C3orf49: variants seen among roughly 807,000 people sequenced by gnomAD.
The protein encoded by C3orf49 is putative uncharacterized protein C3orf49.
A neutral mutation model predicts 13.3 loss-of-function variants in C3orf49; 27 were observed. The ratio of observed to expected loss-of-function variants is 2.02; its 90% CI spans 1.49 to 2.79. The LOEUF (loss-of-function observed/expected upper bound fraction) is 2.79, where lower values mean the gene tolerates loss of function less well. Among genes scored for constraint, C3orf49 ranks in the 30% most tolerant of loss-of-function variants. The pLI, the probability that C3orf49 is intolerant of heterozygous loss-of-function variation, is 0.00. For synonymous variants in C3orf49, 87 were observed against 47.6 expected (o/e 1.83, Z -3.40); for missense variants, 242 against 134.2 (o/e 1.80, Z -3.97).
At chr3:63,825,058 G>T (rs1027693228) in intron 2 of C3orf49, among the ~76,000 whole-genome samples, 1 of 151,958 alleles carries the variant, frequency 6.6e-6, no homozygotes, top group Non-Finnish European at 1.5e-5. Context: ...TTACATTAGG[G>T]TTCCCCCTTT....
rs1459822327 is a variant in C3orf49 at position 63,843,661 on chromosome 3, G to C, written c.850-1362G>C. On this transcript the variant is annotated intron_variant, in intron 5 of 6. Transcript: ENST00000295896. ...CACGCCTGTAATCCCAGCACTTTGG[G>C]AGGCCAAGGTGGGCGCATCACGAGG... is the stretch of plus-strand genomic sequence containing the variant. Among the ~76,000 whole-genome samples, 4 of 152,228 alleles carry C rather than the reference G, an allele frequency of 2.6e-5. No homozygotes were observed. In the East Asian group the frequency reaches 7.8e-4, roughly 30 times the overall value.
intron 2 of C3orf49, 101 bp from the exon 3 acceptor site, chr3:63,827,500 G>A: frequency 3.5e-6 from 2 of 573,850 alleles, no homozygotes; most frequent in South Asian, 2.4e-5. Context: ...AGCCACTGAA[G>A]CAGCAAGTGA....
chr3:63,807,637 C>T, the C3orf49 span, among the ~76,000 whole-genome samples: 2 of 151,884 alleles, frequency 1.3e-5, no homozygotes, highest in African/African-American at 4.8e-5. Flanking sequence ...CAGTGGATCA[C>T]CTGAGGTCTG....
intron 2 of C3orf49, among the ~76,000 whole-genome samples, chr3:63,824,510 A>G (rs1204651800): frequency 6.6e-6 from 1 of 152,138 alleles, no homozygotes. Flanking sequence ...AATACTACCA[A>G]TGTTTGCATT....
chr3:63,829,350 G>C (rs920022108), intron 3 of C3orf49, among the ~76,000 whole-genome samples: 3 of 152,020 alleles, frequency 2.0e-5, no homozygotes, highest in African/African-American at 7.3e-5. Flanking sequence ...AATGTTGCTA[G>C]AACAATTGGG....
the C3orf49 span, among the ~76,000 whole-genome samples, chr3:63,795,281 C>T: frequency 0.037 from 5,660 of 152,178 alleles, 249 homozygotes; most frequent in African/African-American, 0.1. Context: ...CAGGAAGTGG[C>T]CAATGGGAAA....
chr3:63,789,591 A>C, the C3orf49 span, among the ~76,000 whole-genome samples: 3 of 151,880 alleles, frequency 2.0e-5, no homozygotes, highest in African/African-American at 7.3e-5. Flanking sequence ...AGGGTGGATC[A>C]CCTGAGGTCA....
chr3:63,786,503 T>A, the C3orf49 span, among the ~76,000 whole-genome samples: 1 of 152,206 alleles, frequency 6.6e-6, no homozygotes, highest in African/African-American at 2.4e-5. Context: ...TTTGTTTGTT[T>A]GCTTGTTGAT....
In C3orf49 at chr3:63,827,609, C is replaced by A. The variant is rs771721705; in HGVS notation, c.454C>A (p.Gln152Lys). Residue 152 changes from glutamine (Q) to lysine (K), a missense_variant, in exon 3 of 7, where the codon CAA (glutamine) becomes AAA (lysine). Transcript: ENST00000295896. ...MRKLSENATI[Q>K]LDVVEAETEE... Reference sequence around the variant, plus strand: ...TTCCCCCTTTCTTGAAGCGACTATACAACTTGATGTTGTAGAGGCAGAGAC... The same window carrying A: ...TTCCCCCTTTCTTGAAGCGACTATAAAACTTGATGTTGTAGAGGCAGAGAC... The A allele has an allele frequency of 7.1e-6, 5 of 702,774 alleles. No homozygotes were observed. In the South Asian group the frequency reaches 7.4e-5, roughly 10 times the overall value. 43.5% of individuals were successfully genotyped at this position (702,774 alleles called of 1,614,324 possible).
intron 5 of C3orf49, chr3:63,832,730 T>C (rs1195678655): frequency 6.6e-6 from 1 of 152,186 alleles, no homozygotes; most frequent in Non-Finnish European, 1.5e-5. Context: ...TGTTTCATAA[T>C]TCTTACTAAT....
chr3:63,829,289 C>T (rs911410621), intron 3 of C3orf49, among the ~76,000 whole-genome samples: 2 of 152,124 alleles, frequency 1.3e-5, no homozygotes, highest in African/African-American at 4.8e-5. Flanking sequence ...AGGAGATAGA[C>T]ATTAAACCAT....
the C3orf49 span, among the ~76,000 whole-genome samples, chr3:63,793,008 T>C: frequency 6.6e-6 from 1 of 152,206 alleles, no homozygotes; most frequent in Non-Finnish European, 1.5e-5. Context: ...GCGAATAGAC[T>C]TAAATTATGG....
the C3orf49 span, among the ~76,000 whole-genome samples, chr3:63,791,904 C>T: frequency 6.6e-6 from 1 of 152,132 alleles, no homozygotes; most frequent in Non-Finnish European, 1.5e-5. Context: ...TTGACTTAAA[C>T]ATGCTAACTG....
chr3:63,814,890 T>A (rs1264600537), upstream of C3orf49, among the ~76,000 whole-genome samples: 1 of 152,192 alleles, frequency 6.6e-6, no homozygotes, highest in Non-Finnish European at 1.5e-5. Flanking sequence ...AAAAAAGGTT[T>A]AATTGACTCA....
chr3:63,803,525 C>T, the C3orf49 span, among the ~76,000 whole-genome samples: 2 of 152,224 alleles, frequency 1.3e-5, no homozygotes, highest in Non-Finnish European at 2.9e-5. Flanking sequence ...ATCAGCTAAA[C>T]AACATGCTGC....
chr3:63,807,230 C>T, the C3orf49 span, among the ~76,000 whole-genome samples: 2 of 152,074 alleles, frequency 1.3e-5, no homozygotes, highest in African/African-American at 4.8e-5. Context: ...GGATTACAGG[C>T]GTGAGCCACT....
intron 3 of C3orf49, among the ~76,000 whole-genome samples, chr3:63,828,432 T>C (rs1401617107): frequency 6.6e-6 from 1 of 152,182 alleles, no homozygotes; most frequent in Non-Finnish European, 1.5e-5. Flanking sequence ...CCCATCTAGC[T>C]GGGACTACAG....
the C3orf49 span, among the ~76,000 whole-genome samples, chr3:63,791,231 C>A: frequency 6.6e-6 from 1 of 152,182 alleles, no homozygotes; most frequent in Non-Finnish European, 1.5e-5. Flanking sequence ...CCACTGCAGT[C>A]TCTAAAACTT....
At chr3:63,816,539 G>A (rs1179724341), upstream of C3orf49, among the ~76,000 whole-genome samples, 5 of 151,506 alleles carry the variant, frequency 3.3e-5, no homozygotes, top group Non-Finnish European at 2.9e-5. Context: ...TGAGCGTGGT[G>A]CCACTGCACT....
Sources: allele counts gnomAD v4.1 joint callset (sites outside exome capture counted in the v4.1 genomes callset), GRCh38; gene constraint gnomAD v4.1.1; transcripts MANE v1.5; gene names NCBI Gene and HGNC (gene_info 2026-07-23, HGNC 2026-07-21).